RPRD1B: variants seen among roughly 807,000 people sequenced by gnomAD.
The protein encoded by RPRD1B is regulation of nuclear pre-mRNA domain-containing protein 1B.
A neutral mutation model predicts 41.5 loss-of-function variants in RPRD1B; 11 were observed. The observed-to-expected ratio is 0.27, with a 90% CI of 0.17 to 0.44. The LOEUF (loss-of-function observed/expected upper bound fraction) is 0.44, where lower values mean the gene tolerates loss of function less well. Among genes scored for constraint, RPRD1B ranks in the 20% least tolerant of loss-of-function variants. The pLI, the probability that RPRD1B is intolerant of heterozygous loss-of-function variation, is 1.00. For synonymous variants in RPRD1B, 158 were observed against 155.6 expected, an observed-to-expected ratio of 1.02 and a Z score of -0.12; for missense variants, 248 against 389.9, an observed-to-expected ratio of 0.64 and a Z score of 3.06.
intron 6 of RPRD1B, 31 bp downstream of exon 6, chr20:38,066,287 CCACG>C: frequency 6.3e-7 from 1 of 1,596,340 alleles, no homozygotes; most frequent in Non-Finnish European, 8.6e-7. Flanking sequence ...CCCAGACTGC[CCACG>C]TTTCCCTTCC....
chr20:38,068,968 C>T (rs1380254392), intron 6 of RPRD1B, among the ~76,000 whole-genome samples: 2 of 152,172 alleles, frequency 1.3e-5, no homozygotes, highest in Admixed American at 6.5e-5. Flanking sequence ...AATCAGAATG[C>T]TAATTAAATA....
intron 6 of RPRD1B, among the ~76,000 whole-genome samples, chr20:38,078,271 C>G (rs942684429): frequency 1.3e-5 from 2 of 152,008 alleles, no homozygotes; most frequent in Non-Finnish European, 2.9e-5. Flanking sequence ...CTTGTTGTGT[C>G]CCATGGCATT....
At chr20:38,058,912 C>A (rs1000313798) in intron 4 of RPRD1B, among the ~76,000 whole-genome samples, 1 of 152,026 alleles carries the variant, frequency 6.6e-6, no homozygotes, top group African/African-American at 2.4e-5. Context: ...CAGGGTGTCG[C>A]TATATTGTCC....
chr20:38,044,621 GC>G (rs1375337973), intron 2 of RPRD1B, among the ~76,000 whole-genome samples: 1 of 152,012 alleles, frequency 6.6e-6, no homozygotes, highest in African/African-American at 2.4e-5. Context: ...TGATCTGCCC[GC>G]CTTGGCCTCT....
chr20:38,066,878 A>C (rs925054667), intron 6 of RPRD1B, among the ~76,000 whole-genome samples: 1 of 151,956 alleles, frequency 6.6e-6, no homozygotes, highest in African/African-American at 2.4e-5. Context: ...GATAGTCTTG[A>C]TCTCCTGACC....
In RPRD1B at chr20:38,089,041, T is replaced by C. The variant is rs372946819; in HGVS notation, c.832-685T>C. On this transcript the variant is annotated intron_variant, in intron 6 of 6. Coordinates refer to ENST00000373433, the MANE Select transcript of RPRD1B (RefSeq NM_021215.4). The stretch of plus-strand genomic sequence containing the variant: ...GCTGATTTTGTAAGACCTTGAACTC[T>C]GCTCTGAAGGACCAGATCATGGAGC... Among the ~76,000 whole-genome samples the C allele has an allele frequency of 4.6e-5, 7 of 152,346 alleles. No individual in the cohort carries two copies. In the East Asian group the frequency reaches 9.6e-4, roughly 21 times the overall value.
intron 3 of RPRD1B, among the ~76,000 whole-genome samples, chr20:38,054,503 T>G (rs959974579): frequency 1.3e-5 from 2 of 152,078 alleles, no homozygotes; most frequent in Non-Finnish European, 2.9e-5. Flanking sequence ...GAGGCTTTGA[T>G]CTGTAGCACC....
intron 1 of RPRD1B, among the ~76,000 whole-genome samples, chr20:38,040,109 TAA>T (rs2074050431): frequency 6.6e-6 from 1 of 152,222 alleles, no homozygotes; most frequent in Non-Finnish European, 1.5e-5. Flanking sequence ...GTAGAATAAA[TAA>T]AAGCCCTAGT....
intron 5 of RPRD1B, among the ~76,000 whole-genome samples, chr20:38,059,761 G>A (rs1159264942): frequency 6.6e-6 from 1 of 152,170 alleles, no homozygotes; most frequent in Non-Finnish European, 1.5e-5. Flanking sequence ...ACAACCTGTG[G>A]CTCTCTAAAT....
At chr20:38,041,079 C>G (rs912276247) in intron 2 of RPRD1B, among the ~76,000 whole-genome samples, 7 of 152,098 alleles carry the variant, frequency 4.6e-5, no homozygotes, top group Admixed American at 2.0e-4. Context: ...TGTATTAAGC[C>G]TGGTGCTGTT....
At chr20:38,059,291 A>G (rs1358773401) in intron 4 of RPRD1B, 103 bp from the exon 5 acceptor site, 388 of 1,202,954 alleles carry the variant, frequency 3.2e-4, no homozygotes, top group East Asian at 5.2e-4. Flanking sequence ...AAATGGCAGG[A>G]ATGACTGTTT....
chr20:38,073,114 C>T (rs1289237771), intron 6 of RPRD1B, among the ~76,000 whole-genome samples: 1 of 152,204 alleles, frequency 6.6e-6, no homozygotes, highest in East Asian at 1.9e-4. Flanking sequence ...GCAACATCAA[C>T]AGCAGGAAGA....
At chr20:38,085,563 CG>C (rs1433452078) in intron 6 of RPRD1B, 1 of 152,214 alleles carries the variant, frequency 6.6e-6, no homozygotes, top group Non-Finnish European at 1.5e-5. Context: ...AAAAGAGGCC[CG>C]GATTTCTTCT....
intron 6 of RPRD1B, among the ~76,000 whole-genome samples, chr20:38,072,668 A>G (rs1303293972): frequency 6.6e-6 from 1 of 152,106 alleles, no homozygotes. Flanking sequence ...ACATTTATTT[A>G]AGTCTTCAAT....
At chr20:38,078,244 C>A (rs572873801) in intron 6 of RPRD1B, among the ~76,000 whole-genome samples, 1 of 151,700 alleles carries the variant, frequency 6.6e-6, no homozygotes, top group South Asian at 2.1e-4. Context: ...CCCCTGCTGA[C>A]TTCCTCAGCC....
At position 38,090,986 on chromosome 20, in the gene RPRD1B, C is replaced by A; in HGVS notation, c.*1111C>A. 2.0e-6 allele frequency: 2 copies of A among 985,404 alleles called. No individual in the cohort carries two copies. The highest frequency in any genetic ancestry group is 2.4e-6 in the Non-Finnish European group (2 of 829,910). 61.0% of individuals were successfully genotyped at this position (985,404 alleles called of 1,614,324 possible). A position where few individuals can be genotyped will look rare whatever the true frequency, so the allele number is the denominator to read the frequency against. Reference sequence around the variant, plus strand: ...AATAGCTCGTCTCGGGCAGGGGAAGCGGGGAGTTGGGGATATTAATTGGGG... The same window carrying A: ...AATAGCTCGTCTCGGGCAGGGGAAGAGGGGAGTTGGGGATATTAATTGGGG... On this transcript the variant is annotated 3_prime_UTR_variant, in exon 7 of 7. Transcript: ENST00000373433.
At chr20:38,049,790 T>C (rs1481182997) in intron 3 of RPRD1B, 1 of 471,104 alleles carries the variant, frequency 2.1e-6, no homozygotes, top group East Asian at 6.9e-5. Flanking sequence ...CCTGCATACA[T>C]GTTTCCTGGA....
chr20:38,087,233 T>C (rs111933314), intron 6 of RPRD1B, among the ~76,000 whole-genome samples: 2 of 152,332 alleles, frequency 1.3e-5, no homozygotes, highest in African/African-American at 4.8e-5. Flanking sequence ...GTGCTGGGAT[T>C]ATAGGCATGA....
chr20:38,045,854 C>T (rs1259738377), intron 2 of RPRD1B, among the ~76,000 whole-genome samples: 1 of 152,206 alleles, frequency 6.6e-6, no homozygotes, highest in Non-Finnish European at 1.5e-5. Flanking sequence ...TTTGGTTTTA[C>T]TAATTATAAT....
Sources: allele counts gnomAD v4.1 joint callset (sites outside exome capture counted in the v4.1 genomes callset), GRCh38; gene constraint gnomAD v4.1.1; transcripts MANE v1.5; gene names NCBI Gene and HGNC (gene_info 2026-07-23, HGNC 2026-07-21).